The following REXO4 variants were observed in gnomAD, a reference collection of about 807,000 sequenced individuals.
REXO4 encodes the protein REX4 homolog, 3'-5' exonuclease.
A neutral mutation model predicts 39.9 loss-of-function variants in REXO4; 29 were observed. The ratio of observed to expected loss-of-function variants is 0.73; its 90% CI spans 0.54 to 0.99. The LOEUF is 0.99. Among genes scored for constraint, REXO4 ranks in the 50% least tolerant of loss-of-function variants. The probability of loss-of-function intolerance (pLI) is 0.00; values close to 1 mark genes in which losing one functional copy is unlikely to be tolerated. For missense variants in REXO4, 524 were observed against 546.5 expected (o/e 0.96, Z 0.41); for synonymous variants, 184 against 206.2 (o/e 0.89, Z 0.92).
chr9:133,411,142 C>A (rs1169735838), intron 4 of REXO4, 69 bp from the exon 5 acceptor site: 1 of 1,280,258 alleles, frequency 7.8e-7, no homozygotes, highest in African/African-American at 1.5e-5. Flanking sequence ...GAGGAGGCAG[C>A]CCCGCTCCTA....
chr9:133,413,138 A>C (rs1484737691), intron 2 of REXO4, among the ~76,000 whole-genome samples: 1 of 151,594 alleles, frequency 6.6e-6, no homozygotes, highest in Non-Finnish European at 1.5e-5. Flanking sequence ...TCACTGGGTC[A>C]CCCAACCTGG....
intron 7 of REXO4, among the ~76,000 whole-genome samples, chr9:133,407,376 G>C (rs1554779117): frequency 6.6e-6 from 1 of 152,150 alleles, no homozygotes; most frequent in African/African-American, 2.4e-5. Flanking sequence ...GGTGATGGCA[G>C]GTTGGGTGCT....
rs781915967 is a variant in REXO4 at position 133,414,974 on chromosome 9, G to A, written c.263C>T (p.Pro88Leu). Residue 88 changes from proline (P) to leucine (L), a missense_variant, in exon 2 of 8, where the codon CCT (proline) becomes CTT (leucine). By Grantham distance (98) the Pro-to-Leu change is moderately conservative (BLOSUM62 -3). Coordinates refer to ENST00000371942, the MANE Select transcript of REXO4 (RefSeq NM_020385.4). ...LKQKSQAPEK[P>L]LVISQMGSKK... is the part of the protein sequence containing the mutation. Reference sequence around the variant, plus strand: ...GGAACCCATCTGAGAGATGACAAGAGGCTTTTCTGGGGCCTGAGATTTTTG... The same window carrying A: ...GGAACCCATCTGAGAGATGACAAGAAGCTTTTCTGGGGCCTGAGATTTTTG... 1 of 1,598,764 alleles carries A rather than the reference G, an allele frequency of 6.3e-7. No individual in the cohort carries two copies. The highest frequency in any genetic ancestry group is 8.5e-7 in the Non-Finnish European group (1 of 1,176,068).
intron 7 of REXO4, 152 bp downstream of exon 7, chr9:133,407,655 G>T: frequency 1.7e-6 from 1 of 578,810 alleles, no homozygotes; most frequent in Non-Finnish European, 3.1e-6. Flanking sequence ...CCGTAACTCC[G>T]CTCTACCATT....
Position 133,417,815 on chromosome 9 carries a change from C to G in REXO4, c.30G>C (p.Lys10Asn). MGKAKVPAS[K>N]RAPSSPVAKP... is the part of the protein sequence containing the mutation. ...TAGCCACGGGGCTGCTCGGGGCGCG[C>G]TTGGAGGCGGGGACCTTCGCCTTCC... Residue 10 changes from lysine (K) to asparagine (N), a missense_variant, in exon 1 of 8, where the codon AAG becomes AAC. Lys to Asn is a moderately conservative substitution (Grantham distance 94). Coordinates refer to ENST00000371942, the MANE Select transcript of REXO4 (RefSeq NM_020385.4). 1 of 1,604,918 alleles carries G rather than the reference C, an allele frequency of 6.2e-7. No individual in the cohort carries two copies. The highest frequency in any genetic ancestry group is 1.1e-5 in the South Asian group (1 of 91,058).
chr9:133,406,788 A>G lies in REXO4; in HGVS notation c.*165T>C. ...CAGTAAGACCAGGTTTCAGACCACA[A>G]AGTCAAGAGGAAGGAGGACCTTCTC... On this transcript the variant is annotated 3_prime_UTR_variant, in exon 8 of 8. Transcript: ENST00000371942. 2 of 1,025,268 alleles carry G rather than the reference A, an allele frequency of 2.0e-6. No individual in the cohort carries two copies. The highest frequency in any genetic ancestry group is 2.8e-6 in the Non-Finnish European group (2 of 707,642). The allele number at this position is 1,025,268 out of a possible 1,614,324, so 63.5% of individuals were successfully genotyped here.
intron 2 of REXO4, 165 bp downstream of exon 2, chr9:133,414,500 G>T: frequency 1.4e-6 from 1 of 737,308 alleles, no homozygotes; most frequent in Non-Finnish European, 2.4e-6. Flanking sequence ...CTTATCATGC[G>T]CACACTCTAG....
chr9:133,407,773 A>C, intron 7 of REXO4, 34 bp downstream of exon 7: 1 of 1,596,618 alleles, frequency 6.3e-7, no homozygotes, highest in Non-Finnish European at 8.6e-7. Context: ...AAACCGCCCC[A>C]AACCCCATGA....
intron 2 of REXO4, among the ~76,000 whole-genome samples, chr9:133,413,724 A>C (rs141009027): frequency 1.8e-3 from 269 of 152,300 alleles, no homozygotes; most frequent in African/African-American, 6.4e-3. Flanking sequence ...GCCCCACTGA[A>C]TGGACACGTC....
intron 2 of REXO4, among the ~76,000 whole-genome samples, chr9:133,413,230 C>G (rs1479815987): frequency 6.6e-6 from 1 of 152,094 alleles, no homozygotes; most frequent in East Asian, 1.9e-4. Context: ...TCCCTAGTAG[C>G]TGGGATTTTA....
At chr9:133,412,090 G>A (rs587619251) in intron 4 of REXO4, among the ~76,000 whole-genome samples, 54 of 152,024 alleles carry the variant, frequency 3.6e-4, no homozygotes, top group African/African-American at 7.0e-4. Context: ...TGAAGTCAGC[G>A]GACAGGAGGC....
chr9:133,414,342 C>G (rs183879927), intron 2 of REXO4: 1 of 552,164 alleles, frequency 1.8e-6, no homozygotes, highest in African/African-American at 1.9e-5. Flanking sequence ...ACGTCAGAAA[C>G]TTGCCCCAAA....
rs907081849 is a variant in REXO4, at chr9:133,412,724, C to T, written c.716+54G>A. 3.4e-5 allele frequency: 55 copies of T among 1,594,552 alleles called. No homozygotes were observed. In the Admixed American group the frequency reaches 6.5e-4, roughly 19 times the overall value. On this transcript the variant is annotated intron_variant, in intron 3 of 7. Transcript: ENST00000371942. ...AGCATCCTCTTCCTTGAAGAAGCCC[C>T]GCCCTCCACGGCTAAGCATCCCCAG... is the stretch of plus-strand genomic sequence containing the variant.
chr9:133,416,798 G>T (rs991766334), intron 1 of REXO4, among the ~76,000 whole-genome samples: 1 of 152,246 alleles, frequency 6.6e-6, no homozygotes, highest in Non-Finnish European at 1.5e-5. Flanking sequence ...GTACAATAGC[G>T]ATGATGGAAG....
chr9:133,412,773 C>A lies in REXO4; in HGVS notation c.716+5G>T, dbSNP rs189210390. ...AGCAGACCCCACTCCCTGAGACCAGCGTACCCGCCGAAGGCCTGCTCTTTC... is the reference window on the plus strand; with the variant it reads ...AGCAGACCCCACTCCCTGAGACCAGAGTACCCGCCGAAGGCCTGCTCTTTC... On this transcript the variant is annotated splice_donor_5th_base_variant and intron_variant, in intron 3 of 7. Coordinates refer to ENST00000371942, the MANE Select transcript of REXO4 (RefSeq NM_020385.4). 2.5e-6 allele frequency: 4 copies of A among 1,609,992 alleles called. No individual in the cohort carries two copies. The highest frequency in any genetic ancestry group is 1.1e-5 in the South Asian group (1 of 91,088).
chr9:133,407,130 C>A (rs781806629), intron 7 of REXO4, 58 bp from the exon 8 acceptor site: 94 of 1,604,492 alleles, frequency 5.9e-5, no homozygotes, highest in Non-Finnish European at 6.1e-5. Context: ...CCACAGTCAA[C>A]CCCACAATGA....
At chr9:133,409,598 G>A (rs770132019) in intron 5 of REXO4, among the ~76,000 whole-genome samples, 29 of 152,104 alleles carry the variant, frequency 1.9e-4, no homozygotes, top group Non-Finnish European at 3.1e-4. Context: ...ATCTCACTCT[G>A]TCACCTGGGC....
intron 6 of REXO4, among the ~76,000 whole-genome samples, 176 bp from the exon 7 acceptor site, chr9:133,408,057 A>G (rs1554779343): frequency 1.3e-5 from 2 of 152,138 alleles, no homozygotes; most frequent in African/African-American, 4.8e-5. Context: ...CATTTATAGC[A>G]TGATGGGCTG....
At chr9:133,418,077 C>T (rs1402910818), upstream of REXO4, 2 of 548,510 alleles carry the variant, frequency 3.6e-6, no homozygotes, top group Admixed American at 6.8e-5. Context: ...AAACCGGATC[C>T]CTGCCTCTGG....
Sources: allele counts gnomAD v4.1 joint callset (sites outside exome capture counted in the v4.1 genomes callset), GRCh38; gene constraint gnomAD v4.1.1; transcripts MANE v1.5; gene names NCBI Gene and HGNC (gene_info 2026-07-23, HGNC 2026-07-21).